Variants in WWOX observed in about 807,000 individuals in gnomAD.
The protein encoded by WWOX is WW domain-containing oxidoreductase.
Under a neutral mutation model 46.2 loss-of-function variants are expected in WWOX, and 69 were observed. That is an observed-to-expected ratio of 1.49 (90% confidence interval 1.23 to 1.82). The LOEUF (loss-of-function observed/expected upper bound fraction) is 1.82. WWOX is among the 40% of genes most tolerant of loss of function. The probability of loss-of-function intolerance (pLI) is 0.00; values close to 1 mark genes in which losing one functional copy is unlikely to be tolerated. For synonymous variants in WWOX, 359 were observed against 202.6 expected (o/e 1.77, Z -6.56); for missense variants, 919 against 542.6 (o/e 1.69, Z -6.89).
chr16:79,140,516 C>T (rs558071097), intron 8 of WWOX, among the ~76,000 whole-genome samples: 3 of 152,300 alleles, frequency 2.0e-5, no homozygotes, highest in Non-Finnish European at 4.4e-5. Context: ...TCTGGAAAAT[C>T]AGCAGAAAAC....
intron 8 of WWOX, among the ~76,000 whole-genome samples, chr16:78,807,996 G>A (rs74031920): frequency 9.9e-5 from 15 of 152,128 alleles, no homozygotes; most frequent in African/African-American, 3.6e-4. Context: ...CTTTTTCCAT[G>A]TTCACTCCAG....
intron 8 of WWOX, among the ~76,000 whole-genome samples, chr16:78,511,991 AAAG>A (rs2085373716): frequency 6.6e-6 from 1 of 152,250 alleles, no homozygotes; most frequent in African/African-American, 2.4e-5. Context: ...TTACATATGA[AAAG>A]AAGTTGTATC....
chr16:79,075,450 T>C (rs557107966), intron 8 of WWOX, among the ~76,000 whole-genome samples: 61 of 152,360 alleles, frequency 4.0e-4, no homozygotes, highest in African/African-American at 1.4e-3. Flanking sequence ...ACAATATAGT[T>C]GTAGCCATAT....
At chr16:78,448,434 T>C (rs774620115) in intron 8 of WWOX, among the ~76,000 whole-genome samples, 19 of 152,176 alleles carry the variant, frequency 1.2e-4, no homozygotes, top group African/African-American at 2.4e-5. Flanking sequence ...CCATCTGCTT[T>C]AGAGTCTCAC....
chr16:78,770,590 G>T (rs1597581758), intron 8 of WWOX, among the ~76,000 whole-genome samples: 1 of 152,210 alleles, frequency 6.6e-6, no homozygotes, highest in Non-Finnish European at 1.5e-5. Flanking sequence ...GGACGTCTGT[G>T]GGAGGTGCCT....
chr16:79,156,899 C>T (rs2050392815), intron 8 of WWOX, among the ~76,000 whole-genome samples: 1 of 151,762 alleles, frequency 6.6e-6, no homozygotes, highest in Admixed American at 6.6e-5. Context: ...AACAGAAAAA[C>T]TTTTCATGTC....
At chr16:78,541,168 T>G (rs1179917034) in intron 8 of WWOX, among the ~76,000 whole-genome samples, 3 of 152,074 alleles carry the variant, frequency 2.0e-5, no homozygotes, top group Non-Finnish European at 2.9e-5. Context: ...ATAAATACAC[T>G]TCTGTTATAA....
chr16:78,680,711 A>T (rs1018647411), intron 8 of WWOX, among the ~76,000 whole-genome samples: 3 of 152,226 alleles, frequency 2.0e-5, no homozygotes, highest in Non-Finnish European at 4.4e-5. Flanking sequence ...TGTGGGTAGC[A>T]CATACAGAAA....
intron 8 of WWOX, among the ~76,000 whole-genome samples, chr16:79,161,583 C>T (rs1434787702): frequency 9.9e-5 from 15 of 152,216 alleles, no homozygotes; most frequent in South Asian, 2.1e-4. Flanking sequence ...AGTGCAGTGG[C>T]GTGATCTTGG....
chr16:78,827,544 A>T (rs752349673), intron 8 of WWOX, among the ~76,000 whole-genome samples: 23 of 152,058 alleles, frequency 1.5e-4, no homozygotes, highest in Non-Finnish European at 2.8e-4. Flanking sequence ...GGTCTAAGAG[A>T]AAAAGGGGCT....
chr16:78,577,138 G>C (rs1174367094), intron 8 of WWOX, among the ~76,000 whole-genome samples: 2 of 152,096 alleles, frequency 1.3e-5, no homozygotes, highest in African/African-American at 4.8e-5. Flanking sequence ...TGTCTCATAG[G>C]GTTGGGCTGA....
intron 8 of WWOX, among the ~76,000 whole-genome samples, chr16:78,899,824 G>C (rs1315957097): frequency 6.6e-6 from 1 of 152,122 alleles, no homozygotes; most frequent in South Asian, 2.1e-4. Context: ...AAACTAGCGC[G>C]TGGTCTGTTT....
intron 5 of WWOX, among the ~76,000 whole-genome samples, chr16:78,380,936 C>T (rs2081941941): frequency 6.6e-6 from 1 of 152,190 alleles, no homozygotes; most frequent in Admixed American, 6.5e-5. Flanking sequence ...CATTGTGTGG[C>T]TTGTACCTTA....
At position 78,346,823 on chromosome 16, in the gene WWOX, G is replaced by T. The variant is rs898449373; in HGVS notation, c.517-40037G>T. 3.3e-5 allele frequency among the ~76,000 whole-genome samples: 4 copies of T among 120,226 alleles called. 1 individual carries two copies. The highest frequency in any genetic ancestry group is 1.1e-4 in the African/African-American group (4 of 35,476). The allele number at this position is 120,226 out of a possible 152,430, so 78.9% of individuals were successfully genotyped here. On this transcript the variant is annotated intron_variant, in intron 5 of 8. Transcript: ENST00000566780. ...GGGTTCAAGCGATTTTCCTGCCTCA[G>T]TCTCTTGAGTAGCTGGTGTTACAGA... is the stretch of plus-strand genomic sequence containing the variant.
At chr16:78,775,265 T>G (rs778993322) in intron 8 of WWOX, among the ~76,000 whole-genome samples, 4 of 152,248 alleles carry the variant, frequency 2.6e-5, no homozygotes, top group Admixed American at 2.0e-4. Flanking sequence ...AACAAAAATA[T>G]CTTGTGGGTT....
intron 8 of WWOX, among the ~76,000 whole-genome samples, chr16:78,840,590 G>A (rs2052112796): frequency 6.6e-6 from 1 of 152,022 alleles, no homozygotes; most frequent in African/African-American, 2.4e-5. Context: ...TTAAAACTCA[G>A]TATCTACTCT....
At chr16:78,389,875 G>C (rs1036768497) in intron 6 of WWOX, among the ~76,000 whole-genome samples, 1 of 152,124 alleles carries the variant, frequency 6.6e-6, no homozygotes, top group Non-Finnish European at 1.5e-5. Context: ...TCATCCTCCA[G>C]AGTAGCTGGG....
intron 4 of WWOX, among the ~76,000 whole-genome samples, chr16:78,125,466 G>C (rs1246274234): frequency 6.6e-6 from 1 of 152,104 alleles, no homozygotes; most frequent in Admixed American, 6.6e-5. Context: ...ATTTAAACCC[G>C]TGAAGCCTCG....
At chr16:78,846,594 G>C (rs1363517971) in intron 8 of WWOX, among the ~76,000 whole-genome samples, 2 of 152,110 alleles carry the variant, frequency 1.3e-5, no homozygotes, top group Non-Finnish European at 2.9e-5. Flanking sequence ...CATCAAGTCA[G>C]AGGATGTGTA....
Sources: allele counts gnomAD v4.1 joint callset (sites outside exome capture counted in the v4.1 genomes callset), GRCh38; gene constraint gnomAD v4.1.1; transcripts MANE v1.5; gene names NCBI Gene and HGNC (gene_info 2026-07-23, HGNC 2026-07-21).